SWT1: variants seen among roughly 807,000 people sequenced by gnomAD.
SWT1 encodes transcriptional protein SWT1.
In SWT1, 33 loss-of-function variants were observed where a neutral mutation model predicts 107.3. That is an observed-to-expected ratio of 0.31 (90% CI 0.23 to 0.41). SWT1 has a LOEUF of 0.41. Ranked by LOEUF, SWT1 falls within the 10% of genes least tolerant of loss-of-function variation. SWT1 has a pLI of 1.00. For synonymous variants in SWT1, 345 were observed against 348.3 expected (o/e 0.99, Z 0.11); for missense variants, 898 against 1,028.9 (o/e 0.87, Z 1.74).
At position 185,217,752 on chromosome 1, in the gene SWT1, C is replaced by T. The variant is rs539608875; in HGVS notation, c.2121+3097C>T. ...CTGGGATTACAGGCACGTCCTACCA[C>T]ACCTGGCTAATTTTTGTATTTTTAG... On this transcript the variant is annotated intron_variant, in intron 14 of 18. Transcript: ENST00000367500. Among the ~76,000 whole-genome samples, 7 of 152,188 alleles carry T rather than the reference C, an allele frequency of 4.6e-5. 1 individual carries two copies. The South Asian group carries it at 1.5e-3, about 32-fold the overall frequency.
intron 15 of SWT1, chr1:185,226,825 C>T (rs1344356333): frequency 2.6e-6 from 4 of 1,517,820 alleles, no homozygotes; most frequent in South Asian, 1.3e-5. Context: ...GCAGCCCGCT[C>T]CTGAGCTCTG....
intron 9 of SWT1, among the ~76,000 whole-genome samples, chr1:185,189,748 T>A (rs562801401): frequency 9.2e-5 from 14 of 151,838 alleles, no homozygotes; most frequent in Admixed American, 3.9e-4. Context: ...TTTAAAAAAA[T>A]TATTTTCTTG....
intron 9 of SWT1, 128 bp from the exon 10 acceptor site, chr1:185,190,421 C>T: frequency 1.7e-6 from 1 of 594,076 alleles, no homozygotes; most frequent in Non-Finnish European, 3.1e-6. Flanking sequence ...TGTCCACCAT[C>T]ATAGTATCAT....
Position 185,181,967 on chromosome 1 carries a change from C to A in SWT1, c.1048C>A (p.His350Asn). 6.2e-7 allele frequency: 1 copy of A among 1,613,890 alleles called. No homozygotes were observed. ...DQEMQIVEEL[H>N]AARVGKSVDL... Reference sequence around the variant, plus strand: ...TTAGATGCAGATAGTAGAAGAGCTTCATGCTGCACGTGTGGGAAAAAGTGT... The same window carrying A: ...TTAGATGCAGATAGTAGAAGAGCTTAATGCTGCACGTGTGGGAAAAAGTGT... The change falls in exon 7 of 19, where the codon CAT becomes AAT. Residue 350 changes from histidine to asparagine, a missense_variant. Physicochemically the swap from His to Asn is moderately conservative, Grantham distance 68. Around this residue, in one of 6 missense-constraint regions of SWT1, gnomAD observed 94 missense variants for 114.5 expected, o/e 0.82. Transcript: ENST00000367500.
intron 18 of SWT1, among the ~76,000 whole-genome samples, chr1:185,289,411 T>C (rs1665124823): frequency 6.6e-6 from 1 of 152,258 alleles, no homozygotes; most frequent in South Asian, 2.1e-4. Context: ...AATCTAGTTC[T>C]ACCTTACTCT....
At chr1:185,264,591 ATTG>A (rs1663247512) in intron 16 of SWT1, 2 of 334,208 alleles carry the variant, frequency 6.0e-6, no homozygotes, top group Non-Finnish European at 8.5e-6. Context: ...CATAAGTACT[ATTG>A]TTGTCCCTGT....
chr1:185,211,816 A>G (rs540164338), intron 13 of SWT1, among the ~76,000 whole-genome samples: 18 of 152,254 alleles, frequency 1.2e-4, no homozygotes, highest in Non-Finnish European at 1.3e-4. Context: ...CAAATGTCCA[A>G]CAATGATAGA....
At chr1:185,252,391 C>T (rs1662107143) in intron 16 of SWT1, among the ~76,000 whole-genome samples, 1 of 152,020 alleles carries the variant, frequency 6.6e-6, no homozygotes, top group Non-Finnish European at 1.5e-5. Context: ...AGTTTATAGT[C>T]CCACCAACAG....
rs1355847348 is a variant in SWT1, at chr1:185,231,752, T to A, written c.2441+44T>A. 6.6e-6 allele frequency: 10 copies of A among 1,507,560 alleles called. No individual in the cohort carries two copies. The African/African-American group carries it at 1.4e-4, about 21-fold the overall frequency. The allele number at this position is 1,507,560 out of a possible 1,614,324, so 93.4% of individuals were successfully genotyped here. On this transcript the variant is annotated intron_variant, in intron 16 of 18. Coordinates refer to ENST00000367500, the MANE Select transcript of SWT1 (RefSeq NM_017673.7). ...TTAAAGTGTTATTTACTTATTACTT[T>A]TCTCTTTCTCCTAGGCTTACCAACT...
At chr1:185,271,439 T>G (rs58031282) in intron 17 of SWT1, 50 bp downstream of exon 17, 16,584 of 959,314 alleles carry the variant, frequency 0.017, 736 homozygotes, top group African/African-American at 0.099. Flanking sequence ...TTAAACAAAT[T>G]TTAATGTAAA....
intron 16 of SWT1, among the ~76,000 whole-genome samples, chr1:185,251,021 A>C (rs1357860107): frequency 2.6e-5 from 4 of 152,128 alleles, no homozygotes; most frequent in Non-Finnish European, 5.9e-5. Flanking sequence ...ATCTCTAGTA[A>C]ATCTAAATTC....
At chr1:185,274,509 C>T (rs1196041677) in intron 17 of SWT1, among the ~76,000 whole-genome samples, 1 of 151,954 alleles carries the variant, frequency 6.6e-6, no homozygotes, top group Non-Finnish European at 1.5e-5. Context: ...TTTCCTACAT[C>T]AGTTACTACA....
Position 185,180,365 on chromosome 1 carries a change from AGCTAATGAAATT to A in SWT1, c.967-25_967-14del. ...CCTATTTAGGTTATGCTTTATTCTTAGCTAATGAAATTACTTTCATTTCAGAGTTTTGAAGCA... is the reference window on the plus strand; with the variant it reads ...CCTATTTAGGTTATGCTTTATTCTTAACTTTCATTTCAGAGTTTTGAAGCA... On this transcript the variant is annotated splice_polypyrimidine_tract_variant and intron_variant, in intron 5 of 18. Coordinates refer to ENST00000367500, the MANE Select transcript of SWT1 (RefSeq NM_017673.7). 6.3e-7 allele frequency: 1 copy of A among 1,584,178 alleles called. No individual in the cohort carries two copies. Among genetic ancestry groups the A allele is most frequent in the Non-Finnish European group, 8.7e-7 (1 of 1,152,970 alleles).
chr1:185,170,872 G>A (rs573274298), intron 4 of SWT1, among the ~76,000 whole-genome samples: 1 of 152,090 alleles, frequency 6.6e-6, no homozygotes, highest in East Asian at 1.9e-4. Context: ...AAAGATGAAG[G>A]GCCCAGAAAC....
intron 14 of SWT1, among the ~76,000 whole-genome samples, chr1:185,217,060 C>T (rs927205106): frequency 3.9e-5 from 6 of 152,132 alleles, no homozygotes; most frequent in Non-Finnish European, 8.8e-5. Flanking sequence ...TTCATGAAGG[C>T]GAGTAGCAAA....
chr1:185,175,577 T>C (rs1024200550), intron 5 of SWT1, among the ~76,000 whole-genome samples: 1 of 152,208 alleles, frequency 6.6e-6, no homozygotes, highest in East Asian at 1.9e-4. Context: ...CTGATTCAAA[T>C]TTATTCATGA....
At chr1:185,268,094 G>C (rs1398214435) in intron 16 of SWT1, among the ~76,000 whole-genome samples, 1 of 152,226 alleles carries the variant, frequency 6.6e-6, no homozygotes, top group African/African-American at 2.4e-5. Flanking sequence ...TAATAAAGTT[G>C]TCCAGTCCAT....
At chr1:185,265,398 T>TC (rs1002868264) in intron 16 of SWT1, among the ~76,000 whole-genome samples, 7 of 152,100 alleles carry the variant, frequency 4.6e-5, no homozygotes, top group Admixed American at 6.6e-5. Context: ...TAATAAATAA[T>TC]CCCCCCCAAA....
intron 13 of SWT1, among the ~76,000 whole-genome samples, chr1:185,211,426 T>C (rs1296463867): frequency 6.6e-6 from 1 of 152,130 alleles, no homozygotes; most frequent in Non-Finnish European, 1.5e-5. Context: ...TTTTATAAGT[T>C]ACCAATTTTT....
Sources: allele counts gnomAD v4.1 joint callset (sites outside exome capture counted in the v4.1 genomes callset), GRCh38; gene constraint gnomAD v4.1.1; regional missense constraint gnomAD v4.1.1; transcripts MANE v1.5; gene names NCBI Gene and HGNC (gene_info 2026-07-23, HGNC 2026-07-21).